MARCHF4: variants seen among roughly 807,000 people sequenced by gnomAD.
MARCHF4 encodes membrane associated ring-CH-type finger 4.
In MARCHF4, 14 loss-of-function variants were observed where a neutral mutation model predicts 43.9. The observed-to-expected ratio is 0.32, with a 90% CI of 0.21 to 0.50. The LOEUF (loss-of-function observed/expected upper bound fraction) is 0.50. MARCHF4 is among the 20% of genes least tolerant of loss of function. The probability of loss-of-function intolerance (pLI) is 0.98; values close to 1 mark genes in which losing one functional copy is unlikely to be tolerated. For synonymous variants in MARCHF4, 226 were observed against 213.3 expected, an observed-to-expected ratio of 1.06 and a Z score of -0.52; for missense variants, 468 against 536.7, an observed-to-expected ratio of 0.87 and a Z score of 1.27.
At position 216,363,730 on chromosome 2, in the gene MARCHF4, T is replaced by C. The variant is rs147033073; in HGVS notation, c.516+6015A>G. Among the ~76,000 whole-genome samples, 440 of 152,314 alleles carry C rather than the reference T, an allele frequency of 2.9e-3. 2 individuals are homozygous for C. The highest frequency in any genetic ancestry group is 0.01 in the African/African-American group (424 of 41,582). On this transcript the variant is annotated intron_variant, in intron 1 of 3. Coordinates refer to ENST00000273067, the MANE Select transcript of MARCHF4 (RefSeq NM_020814.3). ...TGAAGGGCTTGCTCTCCCATCATGGTGTGTGCATGGTGAAAATTTACAATT... is the reference window on the plus strand; with the variant it reads ...TGAAGGGCTTGCTCTCCCATCATGGCGTGTGCATGGTGAAAATTTACAATT...
intron 1 of MARCHF4, among the ~76,000 whole-genome samples, chr2:216,286,174 T>G (rs566941868): frequency 6.6e-6 from 1 of 152,272 alleles, no homozygotes; most frequent in Admixed American, 6.5e-5. Flanking sequence ...AGCGAACCAT[T>G]CATTTTCCTT....
At chr2:216,268,405 T>C (rs892202406) in intron 3 of MARCHF4, among the ~76,000 whole-genome samples, 1 of 152,204 alleles carries the variant, frequency 6.6e-6, no homozygotes, top group African/African-American at 2.4e-5. Context: ...TCCCTACATG[T>C]CAAGGGAGGG....
chr2:216,313,332 G>C (rs973167706), intron 1 of MARCHF4, among the ~76,000 whole-genome samples: 1 of 152,030 alleles, frequency 6.6e-6, no homozygotes, highest in Non-Finnish European at 1.5e-5. Context: ...TCTCTTTTAA[G>C]TTGCATTCCT....
intron 3 of MARCHF4, among the ~76,000 whole-genome samples, chr2:216,260,408 T>A (rs764258444): frequency 6.6e-6 from 1 of 152,170 alleles, no homozygotes; most frequent in Non-Finnish European, 1.5e-5. Context: ...GGGTTAAATA[T>A]CCACTGGCTG....
At position 216,258,507 on chromosome 2, in the gene MARCHF4, GGT is replaced by G. The variant is rs61382542; in HGVS notation, c.*803_*804del. ...CTGGAAATCTGTACTTTTCTCTAGG[GGT>G]GTGTGTGTGTGTGTGTGTGTGTGTG... On this transcript the variant is annotated 3_prime_UTR_variant, in exon 4 of 4. Coordinates refer to ENST00000273067, the MANE Select transcript of MARCHF4 (RefSeq NM_020814.3). 0.14 allele frequency: 20,989 copies of G among 145,142 alleles called. 1,833 individuals are homozygous for G. Among genetic ancestry groups the G allele is most frequent in the East Asian group, 0.4 (1,966 of 4,916 alleles). The allele number at this position is 145,142 out of a possible 1,614,324, so 9.0% of individuals were successfully genotyped here.
intron 1 of MARCHF4, among the ~76,000 whole-genome samples, chr2:216,331,216 G>T (rs1252925086): frequency 6.6e-6 from 1 of 151,970 alleles, no homozygotes; most frequent in East Asian, 1.9e-4. Context: ...GAAGTTAATA[G>T]ACTATTACAT....
chr2:216,259,760 C>T, intron 3 of MARCHF4, 81 bp from the exon 4 acceptor site: 1 of 1,410,914 alleles, frequency 7.1e-7, no homozygotes. Context: ...CTCTCTGAAT[C>T]TATGCAAGGT....
intron 1 of MARCHF4, among the ~76,000 whole-genome samples, chr2:216,318,852 T>C (rs1407281045): frequency 6.6e-6 from 1 of 152,042 alleles, no homozygotes; most frequent in Non-Finnish European, 1.5e-5. Flanking sequence ...AGCTACTTCT[T>C]TAGGGGATTT....
intron 3 of MARCHF4, among the ~76,000 whole-genome samples, chr2:216,260,105 G>T (rs1690717342): frequency 6.6e-6 from 1 of 152,246 alleles, no homozygotes; most frequent in Non-Finnish European, 1.5e-5. Context: ...GCTAAAGGTT[G>T]CTAGAAATCC....
chr2:216,265,092 G>A (rs1690823313), intron 3 of MARCHF4, among the ~76,000 whole-genome samples: 1 of 152,192 alleles, frequency 6.6e-6, no homozygotes, highest in Admixed American at 6.5e-5. Context: ...AGGGGGATGG[G>A]AAGTGGCAGT....
At chr2:216,276,577 A>G (rs1047265742) in intron 3 of MARCHF4, among the ~76,000 whole-genome samples, 2 of 152,174 alleles carry the variant, frequency 1.3e-5, no homozygotes, top group African/African-American at 4.8e-5. Context: ...TCTGATCCCT[A>G]ATATTAAAGA....
intron 1 of MARCHF4, among the ~76,000 whole-genome samples, chr2:216,315,704 G>A (rs372463827): frequency 6.6e-6 from 1 of 152,154 alleles, no homozygotes; most frequent in African/African-American, 2.4e-5. Flanking sequence ...AGAAATGTCC[G>A]TAAAATGTTA....
chr2:216,284,825 G>A (rs891620506), intron 1 of MARCHF4, among the ~76,000 whole-genome samples: 2 of 152,114 alleles, frequency 1.3e-5, no homozygotes, highest in Non-Finnish European at 2.9e-5. Context: ...TTGTGGCCTG[G>A]CTGAGGTTTG....
At chr2:216,338,625 C>T (rs545162347) in intron 1 of MARCHF4, among the ~76,000 whole-genome samples, 8 of 152,234 alleles carry the variant, frequency 5.3e-5, no homozygotes, top group Non-Finnish European at 8.8e-5. Flanking sequence ...GCCTCTCCTG[C>T]GTGGACTTGC....
At chr2:216,331,601 A>G (rs1692082073) in intron 1 of MARCHF4, among the ~76,000 whole-genome samples, 1 of 152,208 alleles carries the variant, frequency 6.6e-6, no homozygotes, top group South Asian at 2.1e-4. Context: ...CAGCAAATTG[A>G]ATCCAATGAT....
At chr2:216,281,341 A>G (rs1257669818) in intron 2 of MARCHF4, among the ~76,000 whole-genome samples, 2 of 152,216 alleles carry the variant, frequency 1.3e-5, no homozygotes, top group South Asian at 2.1e-4. Context: ...TGGGATCACA[A>G]ATGTGAGCCA....
chr2:216,287,655 G>A (rs1308096706), intron 1 of MARCHF4, among the ~76,000 whole-genome samples: 1 of 118,998 alleles, frequency 8.4e-6, no homozygotes, highest in African/African-American at 3.1e-5. Flanking sequence ...GGGGGAGGGG[G>A]GAGGGATAGC....
At chr2:216,300,359 T>C (rs1252094465) in intron 1 of MARCHF4, among the ~76,000 whole-genome samples, 1 of 136,776 alleles carries the variant, frequency 7.3e-6, no homozygotes, top group Admixed American at 6.9e-5. Context: ...TGTATATATA[T>C]ATATATATAT....
At chr2:216,263,151 G>GC (rs1278683110) in intron 3 of MARCHF4, among the ~76,000 whole-genome samples, 1 of 152,210 alleles carries the variant, frequency 6.6e-6, no homozygotes, top group African/African-American at 2.4e-5. Context: ...CTTCGCCTAG[G>GC]CGCAGTGGCT....
Sources: gnomAD v4.1 joint callset for allele counts (sites outside exome capture counted in the v4.1 genomes callset) on GRCh38, gnomAD v4.1.1 for gene constraint, MANE v1.5 for transcripts, NCBI Gene and HGNC (gene_info 2026-07-23, HGNC 2026-07-21) for gene names.